Variants in RASA2 observed in about 807,000 individuals in gnomAD.
RASA2 encodes the protein ras GTPase-activating protein 2.
Under a neutral mutation model 118.2 loss-of-function variants are expected in RASA2, and 155 were observed. The observed-to-expected ratio is 1.31, with a 90% confidence interval of 1.15 to 1.50. The LOEUF is 1.50. RASA2 is among the 40% of genes most tolerant of loss of function. The pLI is 0.00. For synonymous variants in RASA2, 353 were observed against 349.1 expected (o/e 1.01, Z -0.12); for missense variants, 1,016 against 1,009.6 (o/e 1.01, Z -0.09).
intron 1 of RASA2, among the ~76,000 whole-genome samples, chr3:141,506,320 G>A (rs2081866015): frequency 6.6e-6 from 1 of 152,228 alleles, no homozygotes; most frequent in South Asian, 2.1e-4. Context: ...TTTGCTGTGG[G>A]AACAATGTAT....
At chr3:141,546,094 C>T (rs1353944700) in intron 5 of RASA2, among the ~76,000 whole-genome samples, 1 of 152,158 alleles carries the variant, frequency 6.6e-6, no homozygotes, top group African/African-American at 2.4e-5. Context: ...TTTTCTTTAT[C>T]AGTTCGCCTG....
intron 19 of RASA2, among the ~76,000 whole-genome samples, chr3:141,588,750 G>A (rs2083243974): frequency 6.6e-6 from 1 of 152,000 alleles, no homozygotes; most frequent in South Asian, 2.1e-4. Flanking sequence ...ATACTTTTGG[G>A]TATATTACTC....
chr3:141,533,898 CAAT>C (rs1009474474), intron 4 of RASA2, among the ~76,000 whole-genome samples: 13 of 152,142 alleles, frequency 8.5e-5, no homozygotes, highest in Admixed American at 5.9e-4. Context: ...GACATTGTGT[CAAT>C]AAGTCTAGTG....
At position 141,487,068 on chromosome 3, in the gene RASA2, C is replaced by A; in HGVS notation, c.-16C>A. ...CTACGCAGGCGGCAGGGCTGCGGCA[C>A]GGGCCGGGCGGCACCATGGCGGCGG... On this transcript the variant is annotated 5_prime_UTR_variant, in exon 1 of 24. Transcript: ENST00000286364. 1 of 1,257,362 alleles carries A rather than the reference C, an allele frequency of 8.0e-7. No homozygotes were observed. Among genetic ancestry groups the A allele is most frequent in the Non-Finnish European group, 1.0e-6 (1 of 995,144 alleles). The allele number at this position is 1,257,362 out of a possible 1,614,324, so 77.9% of individuals were successfully genotyped here.
chr3:141,574,508 C>A (rs1384244428), intron 14 of RASA2, among the ~76,000 whole-genome samples: 4 of 152,060 alleles, frequency 2.6e-5, no homozygotes, highest in Admixed American at 2.6e-4. Flanking sequence ...TTAAGTACAA[C>A]CTTCTTTAGT....
At chr3:141,529,323 G>T (rs764662879) in intron 3 of RASA2, among the ~76,000 whole-genome samples, 27 of 152,010 alleles carry the variant, frequency 1.8e-4, no homozygotes, top group Non-Finnish European at 3.4e-4. Flanking sequence ...CTCAAAACTT[G>T]TCATTTGTTC....
intron 4 of RASA2, among the ~76,000 whole-genome samples, chr3:141,536,871 C>G (rs921542297): frequency 2.0e-5 from 3 of 151,848 alleles, no homozygotes; most frequent in African/African-American, 7.3e-5. Context: ...CCTCAGCCTC[C>G]CGAATAGCTG....
intron 4 of RASA2, among the ~76,000 whole-genome samples, chr3:141,538,993 G>A (rs1324363610): frequency 5.3e-5 from 8 of 152,104 alleles, no homozygotes; most frequent in Admixed American, 1.3e-4. Context: ...GTTAGCATAC[G>A]ATTTCTGTAA....
At chr3:141,495,613 G>T (rs2081691435) in intron 1 of RASA2, among the ~76,000 whole-genome samples, 1 of 152,194 alleles carries the variant, frequency 6.6e-6, no homozygotes, top group African/African-American at 2.4e-5. Context: ...CCTCATTGTT[G>T]TTGTGAGTTT....
At chr3:141,593,305 C>G (rs914764283) in intron 19 of RASA2, among the ~76,000 whole-genome samples, 5 of 152,116 alleles carry the variant, frequency 3.3e-5, no homozygotes, top group African/African-American at 1.2e-4. Context: ...CCTTGGCCTC[C>G]CAAAGTGCTG....
chr3:141,530,587 A>G (rs990656255), intron 4 of RASA2, among the ~76,000 whole-genome samples: 7 of 152,122 alleles, frequency 4.6e-5, no homozygotes, highest in Admixed American at 2.6e-4. Context: ...ACTGTGACTC[A>G]GAAGTTTAAG....
In RASA2 at chr3:141,613,129, G is replaced by A. The variant is rs528491430; in HGVS notation, c.*816G>A. 6.6e-6 allele frequency: 1 copy of A among 152,256 alleles called. No homozygotes were observed. Among genetic ancestry groups the A allele is most frequent in the African/African-American group, 2.4e-5 (1 of 41,566 alleles). 9.4% of individuals were successfully genotyped at this position (152,256 alleles called of 1,614,324 possible). On this transcript the variant is annotated 3_prime_UTR_variant, in exon 24 of 24. Coordinates refer to ENST00000286364, the MANE Select transcript of RASA2 (RefSeq NM_006506.5). ...AAAGTAAACAGGGAATGAAGGTGGTGGGAAAATCACTTCACTTCACCCACT... is the reference window on the plus strand; with the variant it reads ...AAAGTAAACAGGGAATGAAGGTGGTAGGAAAATCACTTCACTTCACCCACT...
At chr3:141,561,981 C>T (rs2082735861) in intron 9 of RASA2, among the ~76,000 whole-genome samples, 1 of 151,918 alleles carries the variant, frequency 6.6e-6, no homozygotes, top group African/African-American at 2.4e-5. Flanking sequence ...GAGACAAAGC[C>T]TCACTCTGTT....
intron 4 of RASA2, among the ~76,000 whole-genome samples, chr3:141,533,145 C>A (rs749851949): frequency 2.6e-5 from 4 of 152,164 alleles, no homozygotes; most frequent in Non-Finnish European, 1.5e-5. Flanking sequence ...GACCATACAG[C>A]TTCCTCACCT....
intron 13 of RASA2, 47 bp from the exon 14 acceptor site, chr3:141,573,897 A>G (rs1032285983): frequency 6.6e-7 from 1 of 1,512,420 alleles, no homozygotes; most frequent in East Asian, 2.4e-5. Flanking sequence ...GCTATTGAAG[A>G]TGTGTGAACA....
intron 15 of RASA2, chr3:141,578,550 A>AGGG (rs1320746904): frequency 6.6e-6 from 1 of 152,220 alleles, no homozygotes; most frequent in Non-Finnish European, 1.5e-5. Flanking sequence ...ACTGAATAGA[A>AGGG]CCATGTTGCA....
chr3:141,513,573 C>G (rs1364606550), intron 2 of RASA2, among the ~76,000 whole-genome samples: 1 of 152,058 alleles, frequency 6.6e-6, no homozygotes, highest in African/African-American at 2.4e-5. Flanking sequence ...ACTAATAGTT[C>G]TTTTTGCATT....
chr3:141,584,098 C>T (rs528679771), intron 17 of RASA2, among the ~76,000 whole-genome samples: 9 of 151,814 alleles, frequency 5.9e-5, no homozygotes, highest in East Asian at 1.9e-4. Context: ...TTTGGGAGGC[C>T]GAGGCAGGTG....
chr3:141,504,749 A>G (rs2081838357), intron 1 of RASA2, among the ~76,000 whole-genome samples: 1 of 152,078 alleles, frequency 6.6e-6, no homozygotes, highest in Admixed American at 6.6e-5. Flanking sequence ...ACACACAAAA[A>G]AAGCCTAAGA....
Sources: allele counts gnomAD v4.1 joint callset (sites outside exome capture counted in the v4.1 genomes callset), GRCh38; gene constraint gnomAD v4.1.1; transcripts MANE v1.5; gene names NCBI Gene and HGNC (gene_info 2026-07-23, HGNC 2026-07-21).